The following STAG1 variants were observed in gnomAD, a reference collection of about 807,000 sequenced individuals.
The protein encoded by STAG1 is cohesin subunit SA-1.
STAG1 carries 26 observed loss-of-function variants against 170.9 expected under a neutral mutation model. The ratio of observed to expected loss-of-function variants is 0.15; its 90% confidence interval spans 0.11 to 0.21. The LOEUF (loss-of-function observed/expected upper bound fraction) is 0.21, where lower values mean the gene tolerates loss of function less well. Ranked by LOEUF, STAG1 falls within the 10% of genes least tolerant of loss-of-function variation. STAG1 has a pLI of 1.00. For synonymous variants in STAG1, 514 were observed against 497.7 expected, an observed-to-expected ratio of 1.03 and a Z score of -0.44; for missense variants, 964 against 1,509.5, an observed-to-expected ratio of 0.64 and a Z score of 5.99.
intron 21 of STAG1, among the ~76,000 whole-genome samples, chr3:136,408,698 C>A (rs1183168446): frequency 6.6e-6 from 1 of 152,066 alleles, no homozygotes; most frequent in African/African-American, 2.4e-5. Context: ...CACTCAAATG[C>A]ATTTTTGGTA....
chr3:136,563,281 CG>C (rs1270300606), intron 5 of STAG1, among the ~76,000 whole-genome samples: 1 of 152,076 alleles, frequency 6.6e-6, no homozygotes, highest in Non-Finnish European at 1.5e-5. Context: ...TCCCAAGTTA[CG>C]TTGGTTAGTA....
rs2090037731 is a variant in STAG1, at chr3:136,487,317, T to C, written c.903-9905A>G. Among the ~76,000 whole-genome samples, 4 of 152,198 alleles carry C rather than the reference T, an allele frequency of 2.6e-5. No homozygotes were observed. The South Asian group carries it at 6.2e-4, about 24-fold the overall frequency. ...TTGGAAAAGACATCATCTCACTCCT[T>C]TTTACGGCTGCATGGTATTCCATGG... On this transcript the variant is annotated intron_variant, in intron 9 of 33. Coordinates refer to ENST00000383202, the MANE Select transcript of STAG1 (RefSeq NM_005862.3).
At chr3:136,711,043 C>T (rs903401125) in intron 1 of STAG1, among the ~76,000 whole-genome samples, 15 of 150,644 alleles carry the variant, frequency 1.0e-4, no homozygotes, top group Admixed American at 7.3e-4. Flanking sequence ...TTCTGAAATC[C>T]CACTTACAAA....
At chr3:136,571,506 C>T in intron 4 of STAG1, among the ~76,000 whole-genome samples, 1 of 152,050 alleles carries the variant, frequency 6.6e-6, no homozygotes, top group Non-Finnish European at 1.5e-5. Context: ...AAGGTCAAGG[C>T]TGCAGTGAGC....
In STAG1 at chr3:136,686,862, T is replaced by C. The variant is rs901548829; in HGVS notation, c.-83-55881A>G. Among the ~76,000 whole-genome samples, 6 of 152,204 alleles carry C rather than the reference T, an allele frequency of 3.9e-5. No homozygotes were observed. The East Asian group carries it at 1.2e-3, about 29-fold the overall frequency. On this transcript the variant is annotated intron_variant, in intron 1 of 33. Transcript: ENST00000383202. ...CTTAAGTAATTCAGAGCAATCCTAA[T>C]TCACTTTAGCAAGAGAATCTAGTGA...
intron 4 of STAG1, among the ~76,000 whole-genome samples, chr3:136,597,459 T>C (rs1489742206): frequency 1.3e-5 from 2 of 152,212 alleles, no homozygotes; most frequent in African/African-American, 4.8e-5. Context: ...TACTGACTAT[T>C]GGTATGGTCA....
At chr3:136,480,907 T>G (rs995199095) in intron 9 of STAG1, among the ~76,000 whole-genome samples, 1 of 143,744 alleles carries the variant, frequency 7.0e-6, no homozygotes, top group Non-Finnish European at 1.5e-5. Flanking sequence ...TAAGAATGCT[T>G]GTGATTTTTG....
At chr3:136,478,069 C>T (rs189556526) in intron 9 of STAG1, among the ~76,000 whole-genome samples, 76 of 152,226 alleles carry the variant, frequency 5.0e-4, no homozygotes, top group Non-Finnish European at 3.2e-4. Flanking sequence ...GGATTACACG[C>T]GTGAGCCACT....
chr3:136,489,113 GA>G (rs1441066847), intron 9 of STAG1, among the ~76,000 whole-genome samples: 9 of 152,142 alleles, frequency 5.9e-5, no homozygotes. Flanking sequence ...GAAACTCAAA[GA>G]AAAGGAACTA....
chr3:136,593,307 T>C (rs780775798), intron 4 of STAG1, among the ~76,000 whole-genome samples: 2 of 152,086 alleles, frequency 1.3e-5, no homozygotes, highest in African/African-American at 2.4e-5. Flanking sequence ...TCATGGTACA[T>C]ATTAGGTGAG....
At chr3:136,419,833 A>G (rs1370866702) in intron 20 of STAG1, among the ~76,000 whole-genome samples, 2 of 151,920 alleles carry the variant, frequency 1.3e-5, no homozygotes, top group Non-Finnish European at 2.9e-5. Flanking sequence ...TACCTGTAGC[A>G]CTCTAGTGAT....
At chr3:136,693,559 G>T (rs1942790319) in intron 1 of STAG1, among the ~76,000 whole-genome samples, 1 of 152,140 alleles carries the variant, frequency 6.6e-6, no homozygotes, top group Non-Finnish European at 1.5e-5. Flanking sequence ...GGTTGCTTTT[G>T]TGAACTACAG....
chr3:136,525,649 G>C (rs979567082), intron 6 of STAG1, among the ~76,000 whole-genome samples: 2 of 152,150 alleles, frequency 1.3e-5, no homozygotes, highest in African/African-American at 4.8e-5. Context: ...TTTTGAACGT[G>C]TTTGCTCTTG....
At chr3:136,499,262 TG>T (rs1423149707) in intron 9 of STAG1, among the ~76,000 whole-genome samples, 3 of 152,158 alleles carry the variant, frequency 2.0e-5, no homozygotes, top group Non-Finnish European at 4.4e-5. Flanking sequence ...CAAGGCTCAC[TG>T]CAGCCTTGAC....
At position 136,398,879 on chromosome 3, in the gene STAG1, GATC is replaced by G. The variant is rs763725013; in HGVS notation, c.2197-53_2197-51del. On this transcript the variant is annotated intron_variant, in intron 21 of 33. Coordinates refer to ENST00000383202, the MANE Select transcript of STAG1 (RefSeq NM_005862.3). ...TTTAATGAAAAATTCAAAAAAATGA[GATC>G]ATCTGTTTGCACCGTGCTAAGATAA... The G allele has an allele frequency of 9.1e-5, 107 of 1,175,934 alleles. 1 individual carries two copies. The highest frequency in any genetic ancestry group is 2.2e-4 in the Admixed American group (10 of 45,214). 72.8% of individuals were successfully genotyped at this position (1,175,934 alleles called of 1,614,324 possible).
chr3:136,467,487 A>C (rs1041435830), intron 12 of STAG1, among the ~76,000 whole-genome samples: 9 of 152,244 alleles, frequency 5.9e-5, no homozygotes, highest in African/African-American at 2.2e-4. Flanking sequence ...CACCCAATAC[A>C]GGAGCACCCA....
intron 24 of STAG1, among the ~76,000 whole-genome samples, chr3:136,368,158 A>T (rs1450624677): frequency 2.0e-5 from 3 of 152,174 alleles, no homozygotes; most frequent in Non-Finnish European, 2.9e-5. Flanking sequence ...ATAGACTCTA[A>T]ATAAACATAC....
intron 9 of STAG1, among the ~76,000 whole-genome samples, chr3:136,489,513 T>C (rs1210942268): frequency 6.6e-6 from 1 of 152,170 alleles, no homozygotes; most frequent in East Asian, 1.9e-4. Context: ...TTATTGCTCA[T>C]GTACAAGGAA....
At chr3:136,548,553 T>C (rs1246281227) in intron 5 of STAG1, among the ~76,000 whole-genome samples, 1 of 152,216 alleles carries the variant, frequency 6.6e-6, no homozygotes, top group Non-Finnish European at 1.5e-5. Flanking sequence ...ATTTTTCTAT[T>C]TCTGCAAAAA....
Sources: allele counts gnomAD v4.1 joint callset (sites outside exome capture counted in the v4.1 genomes callset), GRCh38; gene constraint gnomAD v4.1.1; transcripts MANE v1.5; gene names NCBI Gene and HGNC (gene_info 2026-07-23, HGNC 2026-07-21).